PIP4K2B: variants seen among roughly 807,000 people sequenced by gnomAD.
PIP4K2B encodes phosphatidylinositol-5-phosphate 4-kinase type 2 beta.
Under a neutral mutation model 42.0 loss-of-function variants are expected in PIP4K2B, and 3 were observed. The observed-to-expected ratio is 0.07, with a 90% CI of 0.03 to 0.18. The LOEUF (loss-of-function observed/expected upper bound fraction) is 0.18, where lower values mean the gene tolerates loss of function less well. PIP4K2B is among the 10% of genes least tolerant of loss of function. The probability of loss-of-function intolerance (pLI) is 1.00; values close to 1 mark genes in which losing one functional copy is unlikely to be tolerated. For missense variants in PIP4K2B, 332 were observed against 562.3 expected (o/e 0.59, Z 4.14); for synonymous variants, 204 against 210.1 (o/e 0.97, Z 0.25).
At position 38,789,152 on chromosome 17, in the gene PIP4K2B, C is replaced by T. The variant is rs185677734; in HGVS notation, c.160-2232G>A. ...AAAATAAAATAAAGCAGGGCCAGTT[C>T]CTGATGTCAAGTCCTGCCATACACT... On this transcript the variant is annotated intron_variant, in intron 1 of 9. Coordinates refer to ENST00000619039, the MANE Select transcript of PIP4K2B (RefSeq NM_003559.5). Among the ~76,000 whole-genome samples, 76 of 152,250 alleles carry T rather than the reference C, an allele frequency of 5.0e-4. 1 individual carries two copies. The East Asian group carries it at 0.012, about 25-fold the overall frequency.
At chr17:38,780,384 C>T in intron 4 of PIP4K2B, 68 bp downstream of exon 4, 1 of 1,423,042 alleles carries the variant, frequency 7.0e-7, no homozygotes, top group Non-Finnish European at 9.5e-7. Context: ...CCCTAAGAAG[C>T]TCCCCCAGGG....
At chr17:38,781,277 G>C (rs1338454057) in intron 3 of PIP4K2B, among the ~76,000 whole-genome samples, 1 of 151,826 alleles carries the variant, frequency 6.6e-6, no homozygotes, top group Non-Finnish European at 1.5e-5. Context: ...CTGTATCCCT[G>C]CTCCTCCTCA....
chr17:38,799,168 G>A lies in PIP4K2B; in HGVS notation c.159+98C>T, dbSNP rs1910815694. 2 of 1,295,172 alleles carry A rather than the reference G, an allele frequency of 1.5e-6. No individual in the cohort carries two copies. Among genetic ancestry groups the A allele is most frequent in the Admixed American group, 3.0e-5 (1 of 32,822 alleles). 80.2% of individuals were successfully genotyped at this position (1,295,172 alleles called of 1,614,324 possible). On this transcript the variant is annotated intron_variant, in intron 1 of 9. Coordinates refer to ENST00000619039, the MANE Select transcript of PIP4K2B (RefSeq NM_003559.5). The surrounding 1 kb of genome is among the most constrained non-coding windows in gnomAD (Gnocchi z 4.4). ...GCAAGTGGCTTGGCGAGGGGTGGCA[G>A]GCGTCACCGGCAGGGCCTGCGGGGC...
chr17:38,791,811 T>C (rs1910356463), intron 1 of PIP4K2B, among the ~76,000 whole-genome samples: 1 of 143,978 alleles, frequency 6.9e-6, no homozygotes, highest in African/African-American at 2.5e-5. Flanking sequence ...TCTGCAGAGC[T>C]GGGCGTAGTG....
Position 38,777,675 on chromosome 17 carries a change from G to A in PIP4K2B, c.807+12C>T, listed in dbSNP as rs367819903. On this transcript the variant is annotated intron_variant, in intron 7 of 9. Coordinates refer to ENST00000619039, the MANE Select transcript of PIP4K2B (RefSeq NM_003559.5). Reference sequence around the variant, plus strand: ...AGGAGCCTTGCAGGTGAAAATGAAGGTTAGTAAGTACCTCAACGTCCCGCT... The same window carrying A: ...AGGAGCCTTGCAGGTGAAAATGAAGATTAGTAAGTACCTCAACGTCCCGCT... 3.2e-4 allele frequency: 504 copies of A among 1,556,452 alleles called. No homozygotes were observed. Among genetic ancestry groups the A allele is most frequent in the Non-Finnish European group, 4.2e-4 (468 of 1,127,366 alleles).
At chr17:38,786,205 C>A (rs1417365077) in intron 2 of PIP4K2B, among the ~76,000 whole-genome samples, 3 of 152,260 alleles carry the variant, frequency 2.0e-5, no homozygotes, top group Admixed American at 2.0e-4. Context: ...TGGGGTGGTC[C>A]ACAGAGGGAT....
rs775085990 is a variant in PIP4K2B, at chr17:38,784,356, A to G, written c.258-17T>C. ...AGGTTCTCCCTAGGGAAAAGCAGAGATATGTCTTTGTGAACTGCCCCTTGC... is the reference window on the plus strand; with the variant it reads ...AGGTTCTCCCTAGGGAAAAGCAGAGGTATGTCTTTGTGAACTGCCCCTTGC... On this transcript the variant is annotated splice_polypyrimidine_tract_variant and intron_variant, in intron 2 of 9. Coordinates refer to ENST00000619039, the MANE Select transcript of PIP4K2B (RefSeq NM_003559.5). The G allele has an allele frequency of 6.7e-7, 1 of 1,481,752 alleles. No individual in the cohort carries two copies. The highest frequency in any genetic ancestry group is 9.4e-7 in the Non-Finnish European group (1 of 1,060,024). 91.8% of individuals were successfully genotyped at this position (1,481,752 alleles called of 1,614,324 possible).
chr17:38,789,458 T>A (rs893376290), intron 1 of PIP4K2B, among the ~76,000 whole-genome samples: 13 of 152,214 alleles, frequency 8.5e-5, no homozygotes, highest in Non-Finnish European at 4.4e-5. Flanking sequence ...CCTGACTTAA[T>A]GGACTGGGGG....
intron 7 of PIP4K2B, among the ~76,000 whole-genome samples, chr17:38,774,347 G>A (rs1909200220): frequency 6.6e-6 from 1 of 152,162 alleles, no homozygotes; most frequent in South Asian, 2.1e-4. Flanking sequence ...TGAGGAAGAG[G>A]GAACTCCTTC....
At chr17:38,794,609 T>TAAAAAAAA (rs34374571) in intron 1 of PIP4K2B, among the ~76,000 whole-genome samples, 1 of 34,254 alleles carries the variant, frequency 2.9e-5, no homozygotes, top group Non-Finnish European at 5.0e-5. Flanking sequence ...CCCAATTCAT[T>TAAAAAAAA]AAAAAAAAAA....
Position 38,799,474 on chromosome 17 carries a change from G to C in PIP4K2B, c.-50C>G. On this transcript the variant is annotated 5_prime_UTR_variant, in exon 1 of 10. Coordinates refer to ENST00000619039, the MANE Select transcript of PIP4K2B (RefSeq NM_003559.5). This position sits in a 1 kb window ranked among gnomAD's most constrained non-coding sequence, Gnocchi z 4.4. ...GAAAGAGGGGGGCGGCGGAGACAGC[G>C]CACAAGCCAGCGGCCTCAGGCCTCC... 6.7e-7 allele frequency: 1 copy of C among 1,497,898 alleles called. No individual in the cohort carries two copies. The highest frequency in any genetic ancestry group is 2.1e-4 in the Middle Eastern group (1 of 4,818). 92.8% of individuals were successfully genotyped at this position (1,497,898 alleles called of 1,614,324 possible).
rs1908882398 is a variant in PIP4K2B, at chr17:38,769,378, C to T, written c.*313G>A. The T allele has an allele frequency of 8.8e-6, 3 of 341,156 alleles. No homozygotes were observed. The highest frequency in any genetic ancestry group is 1.6e-5 in the Non-Finnish European group (3 of 187,992). 21.1% of individuals were successfully genotyped at this position (341,156 alleles called of 1,614,324 possible). On this transcript the variant is annotated 3_prime_UTR_variant, in exon 10 of 10. Coordinates refer to ENST00000619039, the MANE Select transcript of PIP4K2B (RefSeq NM_003559.5). ...TAAACCCACGAAGTCATCTCTAGCC[C>T]CAAGGTATCTTAAAAGGTTACAAGG...
chr17:38,797,700 A>T (rs375085270), intron 1 of PIP4K2B, among the ~76,000 whole-genome samples: 3 of 152,182 alleles, frequency 2.0e-5, no homozygotes, highest in African/African-American at 7.2e-5. Flanking sequence ...GAACCAGCAG[A>T]GAGAGGCCTG....
chr17:38,796,190 G>A (rs1910653482), intron 1 of PIP4K2B, among the ~76,000 whole-genome samples: 1 of 152,118 alleles, frequency 6.6e-6, no homozygotes. Flanking sequence ...ACACCCAACA[G>A]AATGGCTTTA....
At chr17:38,773,839 T>C (rs780416470) in intron 7 of PIP4K2B, among the ~76,000 whole-genome samples, 2 of 152,172 alleles carry the variant, frequency 1.3e-5, no homozygotes, top group African/African-American at 2.4e-5. Flanking sequence ...AGAAGGTCCA[T>C]GCACCATGCC....
chr17:38,779,622 C>A, intron 4 of PIP4K2B, 93 bp from the exon 5 acceptor site: 1 of 1,151,962 alleles, frequency 8.7e-7, no homozygotes, highest in East Asian at 2.4e-5. Context: ...CCCTGGCTCC[C>A]TGGGATTCTA....
At chr17:38,787,894 G>A (rs963571225) in intron 1 of PIP4K2B, among the ~76,000 whole-genome samples, 2 of 152,156 alleles carry the variant, frequency 1.3e-5, no homozygotes, top group Admixed American at 6.5e-5. Flanking sequence ...CACCACGCTC[G>A]GCTTTAATTA....
rs922811374 is a variant in PIP4K2B, at chr17:38,769,351, A to T, written c.*340T>A. 1 of 264,512 alleles carries T rather than the reference A, an allele frequency of 3.8e-6. No individual in the cohort carries two copies. The highest frequency in any genetic ancestry group is 7.5e-5 in the East Asian group (1 of 13,370). The allele number at this position is 264,512 out of a possible 1,614,324, so 16.4% of individuals were successfully genotyped here. The stretch of plus-strand genomic sequence containing the variant: ...AATGAAATTTCAGAAACAAAACCCA[A>T]ATAAACCCACGAAGTCATCTCTAGC... On this transcript the variant is annotated 3_prime_UTR_variant, in exon 10 of 10. Transcript: ENST00000619039.
chr17:38,769,704 T>C lies in PIP4K2B; in HGVS notation c.1238A>G (p.Asn413Ser), dbSNP rs1908901438. 6.3e-7 allele frequency: 1 copy of C among 1,583,814 alleles called. No homozygotes were observed. The highest frequency in any genetic ancestry group is 8.7e-7 in the Non-Finnish European group (1 of 1,152,378). Residue 413 changes from asparagine to serine, a missense_variant, in exon 10 of 10, where the codon AAC (asparagine) becomes AGC (serine). Physicochemically the swap from Asn to Ser is conservative, Grantham distance 46. This residue lies in a region of PIP4K2B where 26 missense variants were observed against 76.4 expected (regional missense o/e 0.34). Transcript: ENST00000619039. Reference protein sequence around the residue: ...YSKRFNEFMSNILT With the variant: ...YSKRFNEFMSSILT ...GGTAGAAGAGAACTACGTCAGGATG[T>C]TGGACATAAACTCGTTGAAGCGTTT...
Sources: gnomAD v4.1 joint callset for allele counts (sites outside exome capture counted in the v4.1 genomes callset) on GRCh38, gnomAD v4.1.1 for gene constraint, gnomAD v4.1.1 regional missense constraint, Gnocchi (gnomAD v3.1) non-coding constraint, MANE v1.5 for transcripts, NCBI Gene and HGNC (gene_info 2026-07-23, HGNC 2026-07-21) for gene names.